CHRM3: variants seen among roughly 807,000 people sequenced by gnomAD.
CHRM3 encodes the protein cholinergic receptor muscarinic 3.
CHRM3 carries 11 observed loss-of-function variants against 41.8 expected under a neutral mutation model. That is an observed-to-expected ratio of 0.26 (90% CI 0.17 to 0.44). The LOEUF (loss-of-function observed/expected upper bound fraction) is 0.44, where lower values mean the gene tolerates loss of function less well. Among genes scored for constraint, CHRM3 ranks in the 20% least tolerant of loss-of-function variants. The pLI is 1.00. For synonymous variants in CHRM3, 297 were observed against 301.4 expected (o/e 0.99, Z 0.15); for missense variants, 571 against 745.4 (o/e 0.77, Z 2.72).
At chr1:239,411,881 C>A (rs2103047195) in intron 1 of CHRM3, among the ~76,000 whole-genome samples, 1 of 151,978 alleles carries the variant, frequency 6.6e-6, no homozygotes, top group East Asian at 1.9e-4. Flanking sequence ...AATTTCTACT[C>A]CTGAGAGGCA....
chr1:239,808,027 A>G (rs1670800691), intron 5 of CHRM3, among the ~76,000 whole-genome samples: 2 of 152,204 alleles, frequency 1.3e-5, no homozygotes, highest in Admixed American at 1.3e-4. Flanking sequence ...AGTTTTTTAA[A>G]GAAACATATT....
intron 2 of CHRM3, among the ~76,000 whole-genome samples, chr1:239,516,481 T>C (rs1387248323): frequency 6.6e-6 from 1 of 152,162 alleles, no homozygotes; most frequent in Non-Finnish European, 1.5e-5. Context: ...ATTTTTTGAG[T>C]TCCTATTCAC....
chr1:239,519,111 G>T lies in CHRM3; in HGVS notation c.-422+26304G>T, dbSNP rs541033770. Reference sequence around the variant, plus strand: ...TATCTAATAATTTATAGTAAAATTGGTGTATTTTTATTCCTCTGTACTCAG... The same window carrying T: ...TATCTAATAATTTATAGTAAAATTGTTGTATTTTTATTCCTCTGTACTCAG... On this transcript the variant is annotated intron_variant, in intron 2 of 6. Transcript: ENST00000676153. Among the ~76,000 whole-genome samples, 314 of 151,988 alleles carry T rather than the reference G, an allele frequency of 2.1e-3. 1 individual carries two copies. Among genetic ancestry groups the T allele is most frequent in the Non-Finnish European group, 3.8e-3 (259 of 67,970 alleles).
At chr1:239,453,274 A>C (rs1664691902) in intron 1 of CHRM3, among the ~76,000 whole-genome samples, 1 of 152,258 alleles carries the variant, frequency 6.6e-6, no homozygotes, top group Non-Finnish European at 1.5e-5. Context: ...AAAACTTTAA[A>C]GTAGTCATCT....
chr1:239,827,836 T>G (rs953358906), intron 6 of CHRM3, among the ~76,000 whole-genome samples: 1 of 152,204 alleles, frequency 6.6e-6, no homozygotes, highest in Non-Finnish European at 1.5e-5. Flanking sequence ...TAAGTCACAT[T>G]GAACTGCAAA....
chr1:239,654,346 T>C (rs1438268443), intron 4 of CHRM3, among the ~76,000 whole-genome samples: 1 of 152,178 alleles, frequency 6.6e-6, no homozygotes, highest in Non-Finnish European at 1.5e-5. Context: ...GATTCAATTT[T>C]GAGGGACCTT....
chr1:239,506,247 G>T (rs1291778984), intron 2 of CHRM3, among the ~76,000 whole-genome samples: 4 of 152,128 alleles, frequency 2.6e-5, no homozygotes, highest in African/African-American at 9.7e-5. Flanking sequence ...TCCAGGGCTT[G>T]TCAGAGGTCT....
intron 5 of CHRM3, among the ~76,000 whole-genome samples, chr1:239,678,769 G>T (rs1224489383): frequency 2.6e-5 from 4 of 152,112 alleles, no homozygotes; most frequent in Admixed American, 2.6e-4. Context: ...TTAATTAATA[G>T]AATTAGATCA....
Position 239,830,365 on chromosome 1 carries a change from C to T in CHRM3, c.-20+2987C>T, listed in dbSNP as rs930195035. Among the ~76,000 whole-genome samples, 10 of 152,260 alleles carry T rather than the reference C, an allele frequency of 6.6e-5. No individual in the cohort carries two copies. The East Asian group carries it at 1.5e-3, about 24-fold the overall frequency. On this transcript the variant is annotated intron_variant, in intron 6 of 6. Coordinates refer to ENST00000676153, the MANE Select transcript of CHRM3 (RefSeq NM_001375978.1). ...GGTGTATGTGAAATTTAACATGATG[C>T]CTTCAGGATTCAGAAATGAAATGTC... is the stretch of plus-strand genomic sequence containing the variant.
At chr1:239,710,546 G>A (rs1307082416) in intron 5 of CHRM3, among the ~76,000 whole-genome samples, 1 of 152,040 alleles carries the variant, frequency 6.6e-6, no homozygotes, top group Non-Finnish European at 1.5e-5. Context: ...AGGGTATGAG[G>A]AGATGAGGAG....
chr1:239,866,011 C>G (rs1404827489), intron 6 of CHRM3, among the ~76,000 whole-genome samples: 1 of 152,074 alleles, frequency 6.6e-6, no homozygotes, highest in Non-Finnish European at 1.5e-5. Flanking sequence ...ATCCTGGCAA[C>G]AGCTGTATGA....
chr1:239,553,964 G>A (rs1349294211), intron 3 of CHRM3, among the ~76,000 whole-genome samples: 1 of 152,026 alleles, frequency 6.6e-6, no homozygotes, highest in East Asian at 1.9e-4. Context: ...TCTCGGTTCA[G>A]TACAACCTCA....
At chr1:239,449,714 G>A (rs1664420620) in intron 1 of CHRM3, among the ~76,000 whole-genome samples, 1 of 151,612 alleles carries the variant, frequency 6.6e-6, no homozygotes. Flanking sequence ...TTTCTATTTA[G>A]GATGAATTGT....
chr1:239,402,656 G>A (rs930059789), intron 1 of CHRM3, among the ~76,000 whole-genome samples: 1 of 152,128 alleles, frequency 6.6e-6, no homozygotes, highest in Non-Finnish European at 1.5e-5. Context: ...GGCTGTAGCT[G>A]TCCTAAAAAT....
At chr1:239,651,070 G>A (rs1464849455) in intron 4 of CHRM3, among the ~76,000 whole-genome samples, 1 of 152,160 alleles carries the variant, frequency 6.6e-6, no homozygotes, top group African/African-American at 2.4e-5. Flanking sequence ...GAACATAGTA[G>A]ATGTTGAACA....
chr1:239,909,307 T>G lies in CHRM3; in HGVS notation c.*83T>G. On this transcript the variant is annotated 3_prime_UTR_variant, in exon 7 of 7. Transcript: ENST00000676153. ...AGGAGGAAGGCGAGGGCGGGGTGAC[T>G]TCTGGTGATGATAAAAATGGTTTTA... is the stretch of plus-strand genomic sequence containing the variant. 7.1e-7 allele frequency: 1 copy of G among 1,406,654 alleles called. No individual in the cohort carries two copies. Among genetic ancestry groups the G allele is most frequent in the Non-Finnish European group, 9.6e-7 (1 of 1,039,910 alleles). The allele number at this position is 1,406,654 out of a possible 1,614,324, so 87.1% of individuals were successfully genotyped here.
intron 1 of CHRM3, among the ~76,000 whole-genome samples, chr1:239,428,473 G>A (rs965792209): frequency 6.6e-6 from 1 of 152,222 alleles, no homozygotes; most frequent in African/African-American, 2.4e-5. Flanking sequence ...AATAGGAAAT[G>A]TCAGGGGAAC....
At chr1:239,844,341 C>T (rs534744187) in intron 6 of CHRM3, among the ~76,000 whole-genome samples, 1 of 152,172 alleles carries the variant, frequency 6.6e-6, no homozygotes, top group South Asian at 2.1e-4. Flanking sequence ...TTGGTGAACT[C>T]AATATGAGTC....
intron 6 of CHRM3, among the ~76,000 whole-genome samples, chr1:239,870,247 G>A (rs1676459763): frequency 6.6e-6 from 1 of 152,166 alleles, no homozygotes; most frequent in Admixed American, 6.5e-5. Flanking sequence ...GGGTCACACA[G>A]GGAAGTTAAG....
Sources: gnomAD v4.1 joint callset for allele counts (sites outside exome capture counted in the v4.1 genomes callset) on GRCh38, gnomAD v4.1.1 for gene constraint, MANE v1.5 for transcripts, NCBI Gene and HGNC (gene_info 2026-07-23, HGNC 2026-07-21) for gene names.